Variants in APIP observed in about 807,000 individuals in gnomAD.
APIP encodes APAF1 interacting protein.
Under a neutral mutation model 32.0 loss-of-function variants are expected in APIP, and 32 were observed. The ratio of observed to expected loss-of-function variants is 1.00; its 90% confidence interval spans 0.76 to 1.34. The LOEUF (loss-of-function observed/expected upper bound fraction) is 1.34, where lower values mean the gene tolerates loss of function less well. Among genes scored for constraint, APIP ranks in the 40% most tolerant of loss-of-function variants. The pLI is 0.00. For missense variants in APIP, 247 were observed against 298.6 expected (o/e 0.83, Z 1.27); for synonymous variants, 92 against 94.8 (o/e 0.97, Z 0.17).
intron 1 of APIP, among the ~76,000 whole-genome samples, chr11:34,913,546 T>G (rs762564108): frequency 9.2e-5 from 14 of 152,220 alleles, no homozygotes; most frequent in Admixed American, 2.0e-4. Context: ...ATGGTCTCGC[T>G]GACTTCAGGA....
intron 1 of APIP, among the ~76,000 whole-genome samples, chr11:34,905,889 G>A (rs1853443416): frequency 6.6e-6 from 1 of 152,152 alleles, no homozygotes; most frequent in Admixed American, 6.5e-5. Context: ...GCAAACTGGA[G>A]GCATCTGGAC....
At chr11:34,914,623 G>A (rs189569727) in intron 1 of APIP, among the ~76,000 whole-genome samples, 56 of 152,206 alleles carry the variant, frequency 3.7e-4, no homozygotes, top group African/African-American at 1.2e-3. Context: ...ACTAGTAACC[G>A]CAATCCAGAT....
At chr11:34,889,225 T>C (rs1227459552) in intron 3 of APIP, among the ~76,000 whole-genome samples, 1 of 152,132 alleles carries the variant, frequency 6.6e-6, no homozygotes, top group Non-Finnish European at 1.5e-5. Flanking sequence ...ATGTTACTGC[T>C]GTCATTTCAA....
chr11:34,895,229 G>T, intron 1 of APIP, 119 bp from the exon 2 acceptor site: 1 of 807,092 alleles, frequency 1.2e-6, no homozygotes, highest in Non-Finnish European at 2.0e-6. Context: ...TATAGAAAGA[G>T]TACAGTGAAG....
chr11:34,903,642 C>T (rs181590582), intron 1 of APIP, among the ~76,000 whole-genome samples: 6 of 152,258 alleles, frequency 3.9e-5, no homozygotes, highest in Admixed American at 3.9e-4. Flanking sequence ...ATGAGGTAGC[C>T]GAAGGATACA....
chr11:34,915,446 G>A (rs1254409972), intron 1 of APIP, among the ~76,000 whole-genome samples: 1 of 152,194 alleles, frequency 6.6e-6, no homozygotes, highest in African/African-American at 2.4e-5. Flanking sequence ...TAGATAGGAG[G>A]AATAAGATAG....
intron 1 of APIP, among the ~76,000 whole-genome samples, chr11:34,896,256 AC>A (rs1218827366): frequency 3.3e-5 from 5 of 152,356 alleles, no homozygotes; most frequent in African/African-American, 1.2e-4. Context: ...CTGGGATTCT[AC>A]TATAAAGACA....
chr11:34,889,225 T>A (rs1227459552), intron 3 of APIP, among the ~76,000 whole-genome samples: 1 of 152,132 alleles, frequency 6.6e-6, no homozygotes, highest in Non-Finnish European at 1.5e-5. Context: ...ATGTTACTGC[T>A]GTCATTTCAA....
At chr11:34,887,458 A>C (rs1368285626) in intron 5 of APIP, among the ~76,000 whole-genome samples, 1 of 152,204 alleles carries the variant, frequency 6.6e-6, no homozygotes, top group Non-Finnish European at 1.5e-5. Flanking sequence ...GGAATGCTTT[A>C]AGCACACAAT....
chr11:34,912,317 GT>G (rs1341458609), intron 1 of APIP, among the ~76,000 whole-genome samples: 1 of 152,184 alleles, frequency 6.6e-6, no homozygotes, highest in Non-Finnish European at 1.5e-5. Context: ...TATAATATGT[GT>G]TCAGAAAAGA....
intron 2 of APIP, among the ~76,000 whole-genome samples, chr11:34,894,804 T>C (rs1226943029): frequency 6.6e-6 from 1 of 152,200 alleles, no homozygotes; most frequent in Non-Finnish European, 1.5e-5. Context: ...TTGTGGATCT[T>C]CAGTCTTTAG....
intron 1 of APIP, among the ~76,000 whole-genome samples, chr11:34,908,286 C>T (rs1236238771): frequency 6.6e-6 from 1 of 152,198 alleles, no homozygotes; most frequent in Non-Finnish European, 1.5e-5. Context: ...TGTAAAATAG[C>T]ATAATAATAA....
intron 3 of APIP, 33 bp downstream of exon 3, chr11:34,890,471 A>T: frequency 6.3e-7 from 1 of 1,577,190 alleles, no homozygotes; most frequent in Non-Finnish European, 8.6e-7. Flanking sequence ...TAAGAAGAAA[A>T]GACACTGAGG....
At chr11:34,899,598 G>T (rs1057147821) in intron 1 of APIP, among the ~76,000 whole-genome samples, 1 of 152,206 alleles carries the variant, frequency 6.6e-6, no homozygotes, top group Admixed American at 6.5e-5. Flanking sequence ...GCCCAATTAC[G>T]TAGTTTTTCT....
intron 1 of APIP, among the ~76,000 whole-genome samples, chr11:34,898,572 C>T (rs1853317593): frequency 6.6e-6 from 1 of 151,964 alleles, no homozygotes; most frequent in South Asian, 2.1e-4. Context: ...TCCACAGTCT[C>T]TCTCTCTCTC....
chr11:34,895,215 A>G (rs984115717), intron 1 of APIP, 105 bp from the exon 2 acceptor site: 2 of 962,162 alleles, frequency 2.1e-6, no homozygotes, highest in African/African-American at 1.6e-5. Flanking sequence ...TTAAGAAAAC[A>G]TACTATAGAA....
At chr11:34,911,686 G>A (rs1853553913) in intron 1 of APIP, among the ~76,000 whole-genome samples, 1 of 152,164 alleles carries the variant, frequency 6.6e-6, no homozygotes, top group Middle Eastern at 3.4e-3. Context: ...TAGCAAAAAC[G>A]ATCAGTGTTG....
chr11:34,887,152 C>A (rs545862131), intron 5 of APIP, among the ~76,000 whole-genome samples: 2 of 152,212 alleles, frequency 1.3e-5, no homozygotes, highest in South Asian at 2.1e-4. Flanking sequence ...TAGACTCCAA[C>A]AGAATTGCAA....
At chr11:34,901,545 C>T (rs1247853820) in intron 1 of APIP, among the ~76,000 whole-genome samples, 1 of 152,188 alleles carries the variant, frequency 6.6e-6, no homozygotes, top group East Asian at 1.9e-4. Flanking sequence ...ATCCAGGCCT[C>T]CCCTCTTCCC....
Sources: gnomAD v4.1 joint callset for allele counts (sites outside exome capture counted in the v4.1 genomes callset) on GRCh38, gnomAD v4.1.1 for gene constraint, MANE v1.5 for transcripts, NCBI Gene and HGNC (gene_info 2026-07-23, HGNC 2026-07-21) for gene names.